Variants in ADAM10 observed in about 807,000 individuals in gnomAD.
ADAM10 encodes the protein ADAM metallopeptidase domain 10.
In ADAM10, 17 loss-of-function variants were observed where a neutral mutation model predicts 90.1. The observed-to-expected ratio is 0.19, with a 90% CI of 0.13 to 0.28. The LOEUF (loss-of-function observed/expected upper bound fraction) is 0.28, where lower values mean the gene tolerates loss of function less well. Ranked by LOEUF, ADAM10 falls within the 10% of genes least tolerant of loss-of-function variation. The pLI is 1.00. For missense variants in ADAM10, 610 were observed against 914.3 expected (o/e 0.67, Z 4.29); for synonymous variants, 310 against 298.6 (o/e 1.04, Z -0.40).
chr15:58,637,667 T>C (rs2140682071), intron 8 of ADAM10, among the ~76,000 whole-genome samples: 1 of 152,224 alleles, frequency 6.6e-6, no homozygotes, highest in African/African-American at 2.4e-5. Context: ...ATTTGAAACA[T>C]CAAAGAAAAG....
At chr15:58,611,642 G>A (rs1895440996) in intron 12 of ADAM10, 166 bp downstream of exon 12, 1 of 643,186 alleles carries the variant, frequency 1.6e-6, no homozygotes, top group East Asian at 2.8e-5. Context: ...AGACAAATTA[G>A]TAGCTAATTG....
intron 5 of ADAM10, among the ~76,000 whole-genome samples, chr15:58,662,469 A>G (rs1446516809): frequency 6.6e-6 from 1 of 152,088 alleles, no homozygotes; most frequent in Non-Finnish European, 1.5e-5. Flanking sequence ...AGTAGCTGAG[A>G]CTACAGATGC....
chr15:58,669,908 T>C (rs899626302), intron 4 of ADAM10, among the ~76,000 whole-genome samples: 1 of 152,094 alleles, frequency 6.6e-6, no homozygotes, highest in Non-Finnish European at 1.5e-5. Context: ...TTATATAACA[T>C]TTCAGAAAGT....
intron 2 of ADAM10, among the ~76,000 whole-genome samples, chr15:58,685,643 A>T (rs1278611613): frequency 6.7e-6 from 1 of 149,666 alleles, no homozygotes; most frequent in Non-Finnish European, 1.5e-5. Flanking sequence ...TACACATTAT[A>T]AGAATGTGCA....
Position 58,619,737 on chromosome 15 carries a change from T to C in ADAM10, c.1511+1734A>G, listed in dbSNP as rs549216677. Among the ~76,000 whole-genome samples the C allele has an allele frequency of 6.7e-4, 102 of 152,142 alleles. 1 individual carries two copies. The highest frequency in any genetic ancestry group is 2.8e-4 in the Non-Finnish European group (19 of 67,992). ...GGCTAACAAGGTGAAAGCCCATCTCTACTAAAAATACAAAAAATTAGCCAG... is the reference window on the plus strand; with the variant it reads ...GGCTAACAAGGTGAAAGCCCATCTCCACTAAAAATACAAAAAATTAGCCAG... On this transcript the variant is annotated intron_variant, in intron 11 of 15. Transcript: ENST00000260408.
chr15:58,692,529 T>A (rs1386673480), intron 2 of ADAM10: 6 of 525,054 alleles, frequency 1.1e-5, no homozygotes. Context: ...CATCACTGAT[T>A]TCCTTCTCTG....
chr15:58,741,267 A>C (rs1298562568), intron 1 of ADAM10, among the ~76,000 whole-genome samples: 16 of 152,230 alleles, frequency 1.1e-4, no homozygotes, highest in African/African-American at 3.6e-4. Flanking sequence ...TTCATAGTTC[A>C]CATGAAATCA....
chr15:58,744,774 C>T (rs1297222399), intron 1 of ADAM10, among the ~76,000 whole-genome samples: 3 of 152,184 alleles, frequency 2.0e-5, no homozygotes, highest in African/African-American at 7.2e-5. Flanking sequence ...CTTTGGGAGG[C>T]CAGGGTTGGA....
rs559073222 is a variant in ADAM10, at chr15:58,595,405, G to A, written c.*2142C>T. On this transcript the variant is annotated 3_prime_UTR_variant, in exon 16 of 16. Transcript: ENST00000260408. Reference sequence around the variant, plus strand: ...ATAGAACCTTCAAGTTGATTTAATCGTCTATTTATTAATGCATTTCAAGTT... The same window carrying A: ...ATAGAACCTTCAAGTTGATTTAATCATCTATTTATTAATGCATTTCAAGTT... 42 of 152,092 alleles carry A rather than the reference G, an allele frequency of 2.8e-4. No individual in the cohort carries two copies. Among genetic ancestry groups the A allele is most frequent in the African/African-American group, 8.2e-4 (34 of 41,506 alleles). The allele number at this position is 152,092 out of a possible 1,614,324, so 9.4% of individuals were successfully genotyped here. A position where few individuals can be genotyped will look rare whatever the true frequency, so the allele number is the denominator to read the frequency against.
At chr15:58,673,388 CAAA>C (rs35784381) in intron 4 of ADAM10, among the ~76,000 whole-genome samples, 3 of 79,258 alleles carry the variant, frequency 3.8e-5, no homozygotes, top group Non-Finnish European at 5.9e-5. Flanking sequence ...CTGTAATTGC[CAAA>C]AAAAAAAAAA....
At position 58,655,707 on chromosome 15, in the gene ADAM10, TATAG is replaced by T. The variant is rs1566982309; in HGVS notation, c.585+9386_585+9389del. Among the ~76,000 whole-genome samples, 13 of 57,364 alleles carry T rather than the reference TATAG, an allele frequency of 2.3e-4. 1 individual carries two copies. Among genetic ancestry groups the T allele is most frequent in the African/African-American group, 1.9e-3 (13 of 6,720 alleles). 37.6% of individuals were successfully genotyped at this position (57,364 alleles called of 152,430 possible). ...ATATATTATATATAGTATATATATA[TATAG>T]TATATATATATATATATATATATAT... is the stretch of plus-strand genomic sequence containing the variant. On this transcript the variant is annotated intron_variant, in intron 5 of 15. Coordinates refer to ENST00000260408, the MANE Select transcript of ADAM10 (RefSeq NM_001110.4).
intron 2 of ADAM10, among the ~76,000 whole-genome samples, chr15:58,705,238 G>A (rs1898245424): frequency 6.6e-6 from 1 of 152,142 alleles, no homozygotes; most frequent in African/African-American, 2.4e-5. Flanking sequence ...AGATTTCCTT[G>A]AGGAGGTAAG....
intron 1 of ADAM10, among the ~76,000 whole-genome samples, chr15:58,727,207 C>CTTTTTTTTTTTTTTTTTT (rs1567014727): frequency 1.4e-5 from 1 of 71,000 alleles, no homozygotes. Context: ...TTTTTTTTTC[C>CTTTTTTTTTTTTTTTTTT]CAAAAACAGC....
At chr15:58,605,232 T>C (rs1169572613) in intron 14 of ADAM10, among the ~76,000 whole-genome samples, 1 of 152,200 alleles carries the variant, frequency 6.6e-6, no homozygotes, top group Non-Finnish European at 1.5e-5. Context: ...CAGTTCCTTC[T>C]AGCACAGTGT....
At chr15:58,730,850 C>T (rs1310785664) in intron 1 of ADAM10, among the ~76,000 whole-genome samples, 2 of 152,188 alleles carry the variant, frequency 1.3e-5, no homozygotes, top group African/African-American at 4.8e-5. Context: ...AATTCTCCCT[C>T]TCTTTCCCCT....
At chr15:58,744,413 G>A (rs1405694631) in intron 1 of ADAM10, among the ~76,000 whole-genome samples, 2 of 151,882 alleles carry the variant, frequency 1.3e-5, no homozygotes, top group Non-Finnish European at 2.9e-5. Flanking sequence ...CAATTAGAAG[G>A]TAACATCTTC....
intron 4 of ADAM10, among the ~76,000 whole-genome samples, chr15:58,675,970 T>C (rs921006264): frequency 6.6e-6 from 1 of 152,180 alleles, no homozygotes; most frequent in African/African-American, 2.4e-5. Flanking sequence ...ATGCAGTACT[T>C]TACTTCTGAA....
chr15:58,663,612 T>C (rs185061310), intron 5 of ADAM10, among the ~76,000 whole-genome samples: 12 of 152,310 alleles, frequency 7.9e-5, no homozygotes, highest in Non-Finnish European at 1.5e-5. Flanking sequence ...TAATGTGTAT[T>C]GGACTACCAT....
intron 2 of ADAM10, among the ~76,000 whole-genome samples, chr15:58,714,770 TAATA>T (rs1457857254): frequency 6.6e-6 from 1 of 151,912 alleles, no homozygotes; most frequent in Non-Finnish European, 1.5e-5. Flanking sequence ...TATTAACAAA[TAATA>T]AATAATTTAT....
Sources: gnomAD v4.1 joint callset for allele counts (sites outside exome capture counted in the v4.1 genomes callset) on GRCh38, gnomAD v4.1.1 for gene constraint, MANE v1.5 for transcripts, NCBI Gene and HGNC (gene_info 2026-07-23, HGNC 2026-07-21) for gene names.